The following ZNF28 variants were observed in gnomAD, a reference collection of about 807,000 sequenced individuals.
ZNF28 encodes zinc finger protein 28.
Under a neutral mutation model 7.2 loss-of-function variants are expected in ZNF28, and 5 were observed. The observed-to-expected ratio is 0.70, with a 90% CI of 0.36 to 1.46. The LOEUF is 1.46. Ranked by LOEUF, ZNF28 falls within the 40% of genes most tolerant of loss-of-function variation. The pLI, the probability that ZNF28 is intolerant of heterozygous loss-of-function variation, is 0.03. For synonymous variants in ZNF28, 288 were observed against 292.4 expected (o/e 0.99, Z 0.15); for missense variants, 879 against 866.6 (o/e 1.01, Z -0.18).
Position 52,799,981 on chromosome 19 carries a change from G to T in ZNF28, c.1864C>A (p.Leu622Ile). Reference protein sequence around the residue: ...CGKTFRQTSSLIIHRRLHTGE... With the variant: ...CGKTFRQTSSIIIHRRLHTGE... ...GTATGAAGCCTACGATGGATTATAA[G>T]CGATGATGTCTGACGGAAGGTCTTG... Residue 622 changes from leucine to isoleucine, a missense_variant, in exon 4 of 4, where the codon CTT becomes ATT. This residue lies in a region of ZNF28 where 864 missense variants were observed against 830.2 expected (regional missense o/e 1.04). Transcript: ENST00000457749. The T allele has an allele frequency of 3.7e-6, 6 of 1,612,874 alleles. No homozygotes were observed. Among genetic ancestry groups the T allele is most frequent in the Non-Finnish European group, 5.1e-6 (6 of 1,179,552 alleles).
intron 2 of ZNF28, chr19:52,810,081 C>G: frequency 3.9e-6 from 3 of 762,526 alleles, no homozygotes; most frequent in Non-Finnish European, 7.0e-6. Context: ...ACCTGGGCCT[C>G]GTTCAGGAGC....
chr19:52,811,410 C>T (rs1321777875), intron 2 of ZNF28, among the ~76,000 whole-genome samples: 1 of 144,992 alleles, frequency 6.9e-6, no homozygotes, highest in African/African-American at 2.7e-5. Flanking sequence ...AAGTGAGGAG[C>T]GTCTCTGCCC....
rs2062825317 is a variant in ZNF28 at position 52,798,646 on chromosome 19, T to A, written c.*1042A>T. On this transcript the variant is annotated 3_prime_UTR_variant, in exon 4 of 4. Transcript: ENST00000457749. The stretch of plus-strand genomic sequence containing the variant: ...GAATCCTCCTATGTTTTGCATAGGA[T>A]GAAACTTGACTGAAGACCTTGCCAC... The A allele has an allele frequency of 2.3e-6, 1 of 439,980 alleles. No individual in the cohort carries two copies. The highest frequency in any genetic ancestry group is 4.6e-6 in the Non-Finnish European group (1 of 217,222). 27.3% of individuals were successfully genotyped at this position (439,980 alleles called of 1,614,324 possible).
Position 52,800,627 on chromosome 19 carries a change from A to G in ZNF28, c.1218T>C (p.Thr406=). Residue 406 remains threonine, a synonymous_variant, in exon 4 of 4, where the codon ACT becomes ACC. Coordinates refer to ENST00000457749, the MANE Select transcript of ZNF28 (RefSeq NM_006969.5). ...CCTTACATTTGTATGGTTTCTCTCC[A>G]GTATGAATCCTCTTATGTCTTTCAA... ...SHLERHKRIH[T]GEKPYKCKVC... is the part of the protein sequence containing the mutation. 2 of 1,613,330 alleles carry G rather than the reference A, an allele frequency of 1.2e-6. No homozygotes were observed. Among genetic ancestry groups the G allele is most frequent in the South Asian group, 2.2e-5 (2 of 90,932 alleles).
chr19:52,818,402 C>A (rs562316793), intron 1 of ZNF28, among the ~76,000 whole-genome samples: 2 of 152,190 alleles, frequency 1.3e-5, no homozygotes, highest in African/African-American at 4.8e-5. Context: ...CATGGAGAAA[C>A]CCTCTCTCTA....
At chr19:52,818,885 GAAAAA>G (rs561203089) in intron 1 of ZNF28, among the ~76,000 whole-genome samples, 69,509 of 114,096 alleles carry the variant, frequency 0.61, 22,996 homozygotes, top group Non-Finnish European at 0.72. Flanking sequence ...GTCTGTTTGG[GAAAAA>G]AAAAAAAAAA....
rs1460573250 is a variant in ZNF28, at chr19:52,799,059, T to A, written c.*629A>T. 2.0e-6 allele frequency: 1 copy of A among 495,490 alleles called. No homozygotes were observed. Among genetic ancestry groups the A allele is most frequent in the African/African-American group, 2.0e-5 (1 of 49,932 alleles). The allele number at this position is 495,490 out of a possible 1,614,324, so 30.7% of individuals were successfully genotyped here. Reference sequence around the variant, plus strand: ...GTATGAATTCTCCTGTCTTTCAAGCTGTGATTTGTGACTGACAACTTTGTC... The same window carrying A: ...GTATGAATTCTCCTGTCTTTCAAGCAGTGATTTGTGACTGACAACTTTGTC... On this transcript the variant is annotated 3_prime_UTR_variant, in exon 4 of 4. Coordinates refer to ENST00000457749, the MANE Select transcript of ZNF28 (RefSeq NM_006969.5).
At chr19:52,803,828 G>A (rs1254949582) in intron 3 of ZNF28, among the ~76,000 whole-genome samples, 1 of 152,066 alleles carries the variant, frequency 6.6e-6, no homozygotes, top group Non-Finnish European at 1.5e-5. Context: ...GTGTGGTGGA[G>A]GGTGCCTGTA....
intron 2 of ZNF28, among the ~76,000 whole-genome samples, chr19:52,811,364 T>C (rs899606269): frequency 1.4e-5 from 2 of 146,244 alleles, no homozygotes; most frequent in Non-Finnish European, 3.0e-5. Context: ...TTGTCTGGGA[T>C]GTGAGGAGCC....
At position 52,801,580 on chromosome 19, in the gene ZNF28, T is replaced by C. The variant is rs1383738613; in HGVS notation, c.265A>G (p.Lys89Glu). ...SHHIGDFCFQ[K>E]IEKDIHGFQF... is the part of the protein sequence containing the mutation. ...AAGCCATGAATGTCTTTCTCAATTT[T>C]CTGGAAGCAAAAATCTCCAATGTGA... Residue 89 changes from lysine to glutamate, a missense_variant, in exon 4 of 4, where the codon AAA becomes GAA. Lys to Glu is a moderately conservative substitution (Grantham distance 56). Coordinates refer to ENST00000457749, the MANE Select transcript of ZNF28 (RefSeq NM_006969.5). 2 of 1,614,052 alleles carry C rather than the reference T, an allele frequency of 1.2e-6. No individual in the cohort carries two copies. The highest frequency in any genetic ancestry group is 2.7e-5 in the African/African-American group (2 of 74,934).
At position 52,820,911 on chromosome 19, in the gene ZNF28, C is replaced by A. The variant is rs1185989620; in HGVS notation, c.-74+675G>T. Among the ~76,000 whole-genome samples the A allele has an allele frequency of 4.6e-5, 7 of 152,126 alleles. No homozygotes were observed. The East Asian group carries it at 1.4e-3, about 29-fold the overall frequency. ...TCTACTGCTCTCTTAGTCCCTCTCT[C>A]TGTCTCCTGATCCCTTTGGCCCACA... On this transcript the variant is annotated intron_variant, in intron 1 of 3. Coordinates refer to ENST00000457749, the MANE Select transcript of ZNF28 (RefSeq NM_006969.5).
At position 52,799,210 on chromosome 19, in the gene ZNF28, C is replaced by G; in HGVS notation, c.*478G>C. ...TAGGGTTTCTCTCCAATACGAATTG[C>G]CTTTTGAATTACAAGGTATGAATTT... On this transcript the variant is annotated 3_prime_UTR_variant, in exon 4 of 4. Coordinates refer to ENST00000457749, the MANE Select transcript of ZNF28 (RefSeq NM_006969.5). 1 of 384,382 alleles carries G rather than the reference C, an allele frequency of 2.6e-6. No homozygotes were observed. The highest frequency in any genetic ancestry group is 5.1e-6 in the Non-Finnish European group (1 of 196,882). The allele number at this position is 384,382 out of a possible 1,614,324, so 23.8% of individuals were successfully genotyped here. A position where few individuals can be genotyped will look rare whatever the true frequency, so the allele number is the denominator to read the frequency against.
rs182339347 is a variant in ZNF28, at chr19:52,797,476, C to T, written c.*2212G>A. On this transcript the variant is annotated 3_prime_UTR_variant, in exon 4 of 4. Coordinates refer to ENST00000457749, the MANE Select transcript of ZNF28 (RefSeq NM_006969.5). ...GATCTGTGAAGAAAATCACAGTCAA[C>T]CAAAATACAACTGGAACTAATAAAC... The T allele has an allele frequency of 2.2e-4, 33 of 152,270 alleles. 1 individual carries two copies. Among genetic ancestry groups the T allele is most frequent in the Admixed American group, 2.1e-3 (32 of 15,290 alleles). The allele number at this position is 152,270 out of a possible 1,614,324, so 9.4% of individuals were successfully genotyped here.
chr19:52,804,802 G>C (rs565847895), intron 3 of ZNF28, among the ~76,000 whole-genome samples: 1 of 152,310 alleles, frequency 6.6e-6, no homozygotes, highest in Non-Finnish European at 1.5e-5. Flanking sequence ...ATCACAGCTG[G>C]CCAGTCTAAG....
chr19:52,800,724 C>A lies in ZNF28; in HGVS notation c.1121G>T (p.Arg374Leu), dbSNP rs188751892. The A allele has an allele frequency of 1.2e-6, 2 of 1,609,050 alleles. No homozygotes were observed. The highest frequency in any genetic ancestry group is 1.7e-6 in the Non-Finnish European group (2 of 1,178,834). ...AGGTTTCTCTCCAGTATGAAGCCTA[C>A]GATGGCGTGCAAGGGTTGACAGTCG... ...FNRLSTLARH[R>L]RLHTGEKPYE... is the part of the protein sequence containing the mutation. Residue 374 changes from arginine to leucine, a missense_variant, in exon 4 of 4, where the codon CGT (arginine) becomes CTT (leucine). Arg to Leu is a moderately radical substitution (Grantham distance 102). This residue lies in a region of ZNF28 where 864 missense variants were observed against 830.2 expected (regional missense o/e 1.04). Transcript: ENST00000457749.
At chr19:52,810,597 C>T (rs1338669453) in intron 2 of ZNF28, 7 of 1,544,914 alleles carry the variant, frequency 4.5e-6, no homozygotes, top group Non-Finnish European at 4.5e-6. Flanking sequence ...CGCGCCCGAC[C>T]ACCAACTACA....
intron 1 of ZNF28, among the ~76,000 whole-genome samples, chr19:52,821,072 A>T (rs28494092): frequency 1.3e-5 from 2 of 150,978 alleles, no homozygotes; most frequent in Admixed American, 1.3e-4. Context: ...GCTCAGGGGA[A>T]GCGGTGACTG....
intron 2 of ZNF28, among the ~76,000 whole-genome samples, chr19:52,811,123 A>G (rs1334079775): frequency 1.3e-5 from 2 of 150,318 alleles, no homozygotes; most frequent in Admixed American, 6.6e-5. Context: ...CCAGCTCCTA[A>G]CCACGAGTGA....
chr19:52,814,013 T>C (rs2063089801), intron 2 of ZNF28, among the ~76,000 whole-genome samples: 1 of 146,462 alleles, frequency 6.8e-6, no homozygotes, highest in African/African-American at 2.7e-5. Context: ...AAAATAAAAA[T>C]TGTTTGGACT....
Sources: allele counts gnomAD v4.1 joint callset (sites outside exome capture counted in the v4.1 genomes callset), GRCh38; gene constraint gnomAD v4.1.1; regional missense constraint gnomAD v4.1.1; transcripts MANE v1.5; gene names NCBI Gene and HGNC (gene_info 2026-07-23, HGNC 2026-07-21).